The following ANKFN1 variants were observed in gnomAD, a reference collection of about 807,000 sequenced individuals.
The protein encoded by ANKFN1 is ankyrin repeat and fibronectin type-III domain-containing protein 1.
ANKFN1 carries 74 observed loss-of-function variants against 108.7 expected under a neutral mutation model. The ratio of observed to expected loss-of-function variants is 0.68; its 90% CI spans 0.56 to 0.83. ANKFN1 has a LOEUF of 0.83. ANKFN1 is among the 40% of genes least tolerant of loss of function. The pLI is 0.00. For synonymous variants in ANKFN1, 547 were observed against 516.2 expected (o/e 1.06, Z -0.81); for missense variants, 1,505 against 1,382.3 (o/e 1.09, Z -1.41).
chr17:56,345,278 T>A (rs1598434439), intron 4 of ANKFN1, among the ~76,000 whole-genome samples: 1 of 152,168 alleles, frequency 6.6e-6, no homozygotes, highest in South Asian at 2.1e-4. Flanking sequence ...ACATTTTCTT[T>A]ATCCAGCCTA....
chr17:56,339,790 A>G (rs1219969696), intron 4 of ANKFN1, among the ~76,000 whole-genome samples: 1 of 152,020 alleles, frequency 6.6e-6, no homozygotes, highest in Non-Finnish European at 1.5e-5. Context: ...TTTATAATAC[A>G]ATGGTTTATA....
intron 3 of ANKFN1, among the ~76,000 whole-genome samples, chr17:56,321,677 T>C (rs2144510197): frequency 6.6e-6 from 1 of 152,326 alleles, no homozygotes; most frequent in African/African-American, 2.4e-5. Context: ...GTTGGTGGGC[T>C]TTGGCCTAAT....
intron 6 of ANKFN1, among the ~76,000 whole-genome samples, chr17:56,361,053 T>G (rs893450372): frequency 1.3e-5 from 2 of 152,198 alleles, no homozygotes; most frequent in Non-Finnish European, 2.9e-5. Flanking sequence ...GTTTGACTTT[T>G]TAAATTTCCA....
chr17:56,344,632 C>G (rs2046048359), intron 4 of ANKFN1, among the ~76,000 whole-genome samples: 1 of 151,744 alleles, frequency 6.6e-6, no homozygotes, highest in Non-Finnish European at 1.5e-5. Flanking sequence ...AGTTAAACTA[C>G]TGTTAAACAA....
intron 4 of ANKFN1, among the ~76,000 whole-genome samples, chr17:56,131,575 C>T (rs1304338680): frequency 6.6e-6 from 1 of 152,188 alleles, no homozygotes; most frequent in Non-Finnish European, 1.5e-5. Flanking sequence ...TGAACCTGTT[C>T]CAAGGACATT....
intron 7 of ANKFN1, among the ~76,000 whole-genome samples, chr17:56,374,365 C>T (rs1309274777): frequency 1.3e-5 from 2 of 152,192 alleles, no homozygotes; most frequent in African/African-American, 2.4e-5. Context: ...TTTAGGAAGG[C>T]TTAACTGGTA....
chr17:56,422,074 C>A (rs929966060), intron 8 of ANKFN1, among the ~76,000 whole-genome samples: 1 of 152,114 alleles, frequency 6.6e-6, no homozygotes, highest in Non-Finnish European at 1.5e-5. Flanking sequence ...CCAAAGTCTT[C>A]TGAAAATAAA....
At chr17:56,231,468 AG>A (rs1916732703) in intron 3 of ANKFN1, among the ~76,000 whole-genome samples, 1 of 152,144 alleles carries the variant, frequency 6.6e-6, no homozygotes. Context: ...GCCTCTGGAA[AG>A]GGTTTGCAGA....
intron 8 of ANKFN1, among the ~76,000 whole-genome samples, chr17:56,406,891 G>T (rs2047938421): frequency 6.6e-6 from 1 of 152,098 alleles, no homozygotes; most frequent in Non-Finnish European, 1.5e-5. Context: ...CTTTAGCTCT[G>T]GTTTCTGAAA....
At chr17:56,069,329 G>C (rs183251277) in intron 4 of ANKFN1, among the ~76,000 whole-genome samples, 1 of 152,166 alleles carries the variant, frequency 6.6e-6, no homozygotes, top group African/African-American at 2.4e-5. Flanking sequence ...AGTGTCTGGG[G>C]TACAGCGCGA....
intron 20 of ANKFN1, among the ~76,000 whole-genome samples, chr17:56,499,999 T>C (rs2051316972): frequency 6.6e-6 from 1 of 152,190 alleles, no homozygotes; most frequent in South Asian, 2.1e-4. Context: ...GGCAGCATGG[T>C]GTAACAGAAA....
chr17:56,382,367 A>G (rs1287890364), intron 8 of ANKFN1, among the ~76,000 whole-genome samples: 4 of 152,194 alleles, frequency 2.6e-5, no homozygotes, highest in Non-Finnish European at 5.9e-5. Flanking sequence ...ACCAGCCACT[A>G]CAAAATCATG....
intron 1 of ANKFN1, among the ~76,000 whole-genome samples, chr17:56,179,674 C>T (rs887171447): frequency 6.6e-6 from 1 of 152,156 alleles, no homozygotes; most frequent in Non-Finnish European, 1.5e-5. Flanking sequence ...AACTGTGTGA[C>T]CTCAAGCAAG....
chr17:56,412,965 GA>G (rs1369150057), intron 8 of ANKFN1, among the ~76,000 whole-genome samples: 4 of 152,066 alleles, frequency 2.6e-5, no homozygotes, highest in Non-Finnish European at 5.9e-5. Context: ...TTTTTTAAAA[GA>G]AAACAACTTT....
intron 11 of ANKFN1, 142 bp from the exon 12 acceptor site, chr17:56,456,719 A>G (rs1020532410): frequency 7.3e-6 from 5 of 688,736 alleles, no homozygotes; most frequent in African/African-American, 1.8e-5. Flanking sequence ...ATAGGCATGA[A>G]TGAGCAGAAT....
At chr17:56,384,567 T>A (rs2047205943) in intron 8 of ANKFN1, among the ~76,000 whole-genome samples, 1 of 152,166 alleles carries the variant, frequency 6.6e-6, no homozygotes, top group South Asian at 2.1e-4. Flanking sequence ...TGACTGCATA[T>A]CTAGAAAACC....
At chr17:56,401,388 G>A (rs199720991) in intron 8 of ANKFN1, among the ~76,000 whole-genome samples, 78,732 of 123,190 alleles carry the variant, frequency 0.64, 22,385 homozygotes, top group East Asian at 0.72. Flanking sequence ...GTTGTGTTGT[G>A]TTGTGTTGTG....
intron 8 of ANKFN1, among the ~76,000 whole-genome samples, chr17:56,439,007 A>G (rs2049014990): frequency 6.6e-6 from 1 of 152,198 alleles, no homozygotes; most frequent in South Asian, 2.1e-4. Context: ...GGGGAGGGGA[A>G]TGGTTGCACA....
intron 6 of ANKFN1, among the ~76,000 whole-genome samples, chr17:56,356,731 A>G (rs915777025): frequency 1.3e-5 from 2 of 152,132 alleles, no homozygotes; most frequent in African/African-American, 4.8e-5. Flanking sequence ...TTCTGCAACA[A>G]CGTCTGTCCC....
Sources: allele counts gnomAD v4.1 joint callset (sites outside exome capture counted in the v4.1 genomes callset), GRCh38; gene constraint gnomAD v4.1.1; transcripts MANE v1.5; gene names NCBI Gene and HGNC (gene_info 2026-07-23, HGNC 2026-07-21).